The following FLT1 variants were observed in gnomAD, a reference collection of about 807,000 sequenced individuals.
FLT1 encodes fms related receptor tyrosine kinase 1, also known as vascular endothelial growth factor receptor 1.
Under a neutral mutation model 156.3 loss-of-function variants are expected in FLT1, and 49 were observed. That is an observed-to-expected ratio of 0.31 (90% CI 0.25 to 0.40). FLT1 has a LOEUF of 0.40. Ranked by LOEUF, FLT1 falls within the 10% of genes least tolerant of loss-of-function variation. FLT1 has a pLI of 1.00. For missense variants in FLT1, 1,322 were observed against 1,637.2 expected (o/e 0.81, Z 3.32); for synonymous variants, 594 against 583.8 (o/e 1.02, Z -0.25).
chr13:28,396,847 A>G (rs1593743703), intron 12 of FLT1, 113 bp downstream of exon 12: 1 of 733,814 alleles, frequency 1.4e-6, no homozygotes, highest in Non-Finnish European at 2.5e-6. Flanking sequence ...AAGTTTGACA[A>G]TTCTATGGAA....
Position 28,303,175 on chromosome 13 carries a change from G to GT in FLT1, c.4008dup (p.Pro1337ThrfsTer12), listed in dbSNP as rs1271726665. 6.2e-7 allele frequency: 1 copy of GT among 1,609,694 alleles called. No individual in the cohort carries two copies. Among genetic ancestry groups the GT allele is most frequent in the Non-Finnish European group, 8.5e-7 (1 of 1,179,690 alleles). The stretch of plus-strand genomic sequence containing the variant: ...AGGCTTCGTGTCAAACTCTAGATGG[G>GT]TGGGGTGGAGTACAGGACCACCGAG... On this transcript the variant is annotated frameshift_variant, in exon 30 of 30. Coordinates refer to ENST00000282397, the MANE Select transcript of FLT1 (RefSeq NM_002019.4). LOFTEE classifies it high-confidence loss of function.
In FLT1 at chr13:28,378,338, T is replaced by C. The variant is rs559828454; in HGVS notation, c.2116+6547A>G. Among the ~76,000 whole-genome samples, 259 of 152,314 alleles carry C rather than the reference T, an allele frequency of 1.7e-3. 3 individuals are homozygous for C. The highest frequency in any genetic ancestry group is 2.1e-3 in the Non-Finnish European group (143 of 68,012). ...CTGGGATTACAGGCATGAGCCAGCG[T>C]GCCTGACCGAGACTTAATCTTTAAG... On this transcript the variant is annotated intron_variant, in intron 14 of 29. Transcript: ENST00000282397.
chr13:28,440,181 A>G (rs1472253170), intron 3 of FLT1, among the ~76,000 whole-genome samples: 1 of 152,194 alleles, frequency 6.6e-6, no homozygotes, highest in African/African-American at 2.4e-5. Flanking sequence ...CCACAGAACC[A>G]GCAGTTTTTT....
chr13:28,483,330 C>T (rs1014027882), intron 1 of FLT1, among the ~76,000 whole-genome samples: 2 of 152,192 alleles, frequency 1.3e-5, no homozygotes, highest in South Asian at 2.1e-4. Flanking sequence ...TTCTCTAATG[C>T]CAACTTAGAG....
intron 1 of FLT1, among the ~76,000 whole-genome samples, chr13:28,484,415 T>C (rs763529171): frequency 4.8e-4 from 73 of 152,346 alleles, no homozygotes; most frequent in Admixed American, 1.1e-3. Context: ...TGAACTGGTT[T>C]AAAGCCATAT....
chr13:28,477,394 C>T (rs117859231), intron 1 of FLT1, among the ~76,000 whole-genome samples: 1,778 of 152,282 alleles, frequency 0.012, 17 homozygotes, highest in South Asian at 0.018. Flanking sequence ...ACTCCTACAC[C>T]GCTGGTCTGT....
At chr13:28,472,445 G>C (rs1593833025) in intron 1 of FLT1, among the ~76,000 whole-genome samples, 2 of 152,290 alleles carry the variant, frequency 1.3e-5, no homozygotes, top group Admixed American at 1.3e-4. Context: ...TAAAACTCAA[G>C]ACTCTCAATG....
intron 25 of FLT1, among the ~76,000 whole-genome samples, chr13:28,313,566 T>C (rs1311592276): frequency 1.3e-5 from 2 of 152,318 alleles, no homozygotes; most frequent in African/African-American, 2.4e-5. Context: ...GTAAGCACTA[T>C]GTGGGCTGGG....
intron 11 of FLT1, among the ~76,000 whole-genome samples, chr13:28,403,782 G>A (rs1172742984): frequency 2.6e-5 from 4 of 152,194 alleles, no homozygotes; most frequent in Admixed American, 2.0e-4. Flanking sequence ...GGTGGCTCAT[G>A]CCTGTAATCC....
intron 3 of FLT1, among the ~76,000 whole-genome samples, chr13:28,456,710 CG>C (rs764184881): frequency 2.0e-4 from 31 of 151,616 alleles, no homozygotes; most frequent in Non-Finnish European, 4.0e-4. Flanking sequence ...GCAGGAGAAT[CG>C]TTTGAACCCT....
At chr13:28,472,897 T>C (rs890073761) in intron 1 of FLT1, among the ~76,000 whole-genome samples, 1 of 152,192 alleles carries the variant, frequency 6.6e-6, no homozygotes, top group Non-Finnish European at 1.5e-5. Flanking sequence ...GAAATACTTA[T>C]GGTTAGTAAA....
intron 14 of FLT1, among the ~76,000 whole-genome samples, chr13:28,374,445 A>G (rs1873753719): frequency 6.6e-6 from 1 of 151,988 alleles, no homozygotes; most frequent in Non-Finnish European, 1.5e-5. Context: ...AACAAAATAT[A>G]AAGAAAAAAC....
At chr13:28,355,812 G>A (rs1469578136) in intron 15 of FLT1, among the ~76,000 whole-genome samples, 1 of 152,246 alleles carries the variant, frequency 6.6e-6, no homozygotes, top group Admixed American at 6.5e-5. Flanking sequence ...CAGGCCTCCT[G>A]CAGAGCAGAC....
chr13:28,368,520 A>G, intron 14 of FLT1: 1 of 1,546,630 alleles, frequency 6.5e-7, no homozygotes, highest in Non-Finnish European at 8.7e-7. Context: ...GACACATAAT[A>G]GTTTTCAATA....
Position 28,468,373 on chromosome 13 carries a change from T to A in FLT1, c.65-756A>T, listed in dbSNP as rs567133301. Among the ~76,000 whole-genome samples the A allele has an allele frequency of 4.6e-5, 7 of 152,250 alleles. No homozygotes were observed. The East Asian group carries it at 1.3e-3, about 29-fold the overall frequency. ...GTGAAAGTGCTTTAAAATCTACACA[T>A]CTCCATATGATGCAATAATGACATC... On this transcript the variant is annotated intron_variant, in intron 1 of 29. Coordinates refer to ENST00000282397, the MANE Select transcript of FLT1 (RefSeq NM_002019.4).
chr13:28,342,970 T>TCTCTC (rs879279415), intron 16 of FLT1, among the ~76,000 whole-genome samples: 15 of 98,080 alleles, frequency 1.5e-4, no homozygotes, highest in African/African-American at 3.6e-4. Flanking sequence ...CTCTCTCTCT[T>TCTCTC]TCTTTCTTTC....
intron 1 of FLT1, among the ~76,000 whole-genome samples, chr13:28,492,059 C>T (rs562297076): frequency 9.9e-5 from 15 of 151,986 alleles, no homozygotes; most frequent in South Asian, 4.2e-4. Context: ...ATTAATATTT[C>T]GAATATGCAA....
At chr13:28,360,848 C>T (rs1224187506) in intron 14 of FLT1, among the ~76,000 whole-genome samples, 1 of 152,154 alleles carries the variant, frequency 6.6e-6, no homozygotes, top group Non-Finnish European at 1.5e-5. Flanking sequence ...AGTGTTCCCA[C>T]CACAAAGAAA....
Position 28,384,983 on chromosome 13 carries a change from G to A in FLT1, c.2018C>T (p.Ala673Val), listed in dbSNP as rs753133916. ...LLRNLSDHTV[A>V]ISSSTTLDCH... ...GTCTAAAGTGGTGGAACTGCTGATG[G>A]CCACTGTGTGATCACTGAGGTTTCG... Residue 673 changes from alanine (A) to valine (V), a missense_variant, in exon 14 of 30, where the codon GCC becomes GTC. Around this residue, in one of 3 missense-constraint regions of FLT1, gnomAD observed 991 missense variants for 1,254.8 expected, o/e 0.79. Coordinates refer to ENST00000282397, the MANE Select transcript of FLT1 (RefSeq NM_002019.4). 23 of 1,614,036 alleles carry A rather than the reference G, an allele frequency of 1.4e-5. No homozygotes were observed. The East Asian group carries it at 5.1e-4, about 36-fold the overall frequency.
Sources: allele counts gnomAD v4.1 joint callset (sites outside exome capture counted in the v4.1 genomes callset), GRCh38; gene constraint gnomAD v4.1.1; regional missense constraint gnomAD v4.1.1; transcripts MANE v1.5; gene names NCBI Gene and HGNC (gene_info 2026-07-23, HGNC 2026-07-21).